Variants in MTRF1L observed in about 807,000 individuals in gnomAD.
The protein encoded by MTRF1L is mitochondrial translation release factor 1 like.
MTRF1L carries 29 observed loss-of-function variants against 40.0 expected under a neutral mutation model. The observed-to-expected ratio is 0.73, with a 90% CI of 0.54 to 0.99. The LOEUF (loss-of-function observed/expected upper bound fraction) is 0.99, where lower values mean the gene tolerates loss of function less well. Ranked by LOEUF, MTRF1L falls within the 50% of genes least tolerant of loss-of-function variation. MTRF1L has a pLI of 0.00. For synonymous variants in MTRF1L, 150 were observed against 175.8 expected (o/e 0.85, Z 1.16); for missense variants, 412 against 464.5 (o/e 0.89, Z 1.04).
rs774360731 is a variant in MTRF1L, at chr6:152,991,239, G to C, written c.888C>G (p.Tyr296Ter). 1.9e-6 allele frequency: 3 copies of C among 1,594,416 alleles called. No individual in the cohort carries two copies. The highest frequency in any genetic ancestry group is 2.6e-6 in the Non-Finnish European group (3 of 1,172,192). ...TTATTTCTTCTTCTAGATGCATGCT[G>C]TACAGTTTTGCACGTAACTTTGTCA... ...LAMTKLRAKL[Y>*]SMHLEEEINK... The change falls in exon 6 of 7, where the codon TAC (tyrosine) becomes TAG (stop). Residue 296 changes from tyrosine (Y) to a stop codon, truncating the protein, a stop_gained. Coordinates refer to ENST00000367233, the MANE Select transcript of MTRF1L (RefSeq NM_019041.7). LOFTEE classifies it high-confidence loss of function.
At chr6:152,990,178 T>C (rs1180827332) in intron 6 of MTRF1L, 83 bp from the exon 7 acceptor site, 1 of 1,524,864 alleles carries the variant, frequency 6.6e-7, no homozygotes, top group African/African-American at 1.4e-5. Flanking sequence ...AGACTTAAGT[T>C]CTTGATTTAT....
chr6:152,993,391 T>G (rs1190910796), intron 4 of MTRF1L, among the ~76,000 whole-genome samples: 1 of 148,858 alleles, frequency 6.7e-6, no homozygotes, highest in East Asian at 2.0e-4. Flanking sequence ...CTGTTTTGTT[T>G]TATTTCAAAC....
At chr6:153,000,432 T>C (rs1222844531) in intron 1 of MTRF1L, among the ~76,000 whole-genome samples, 2 of 152,202 alleles carry the variant, frequency 1.3e-5, no homozygotes, top group African/African-American at 2.4e-5. Flanking sequence ...GGCTACTATA[T>C]TGGACAGTGC....
At chr6:153,000,733 C>T (rs1333758855) in intron 1 of MTRF1L, among the ~76,000 whole-genome samples, 1 of 152,116 alleles carries the variant, frequency 6.6e-6, no homozygotes, top group Admixed American at 6.5e-5. Context: ...ACCTCTCAAG[C>T]TGTTACACTG....
At chr6:153,002,202 T>C (rs1255345560) in intron 1 of MTRF1L, among the ~76,000 whole-genome samples, 1 of 152,094 alleles carries the variant, frequency 6.6e-6, no homozygotes, top group African/African-American at 2.4e-5. Flanking sequence ...AGTCCACAAC[T>C]AATAAGCATG....
At chr6:153,002,386 A>C in intron 1 of MTRF1L, 41 bp downstream of exon 1, 2 of 1,613,848 alleles carry the variant, frequency 1.2e-6, no homozygotes, top group Non-Finnish European at 8.5e-7. Flanking sequence ...CGAAGAGTCA[A>C]GAATGTGCTC....
At chr6:152,991,682 G>T (rs1344239139) in intron 5 of MTRF1L, among the ~76,000 whole-genome samples, 4 of 152,138 alleles carry the variant, frequency 2.6e-5, no homozygotes, top group Admixed American at 1.3e-4. Flanking sequence ...GAGTAGCTGG[G>T]ATTACAGGTG....
chr6:152,998,192 C>A, intron 2 of MTRF1L: 1 of 148,012 alleles, frequency 6.8e-6, no homozygotes, highest in Non-Finnish European at 1.5e-5. Flanking sequence ...AGATATGCCA[C>A]TATTTCGCTG....
At chr6:152,999,870 A>G (rs1463820862) in intron 1 of MTRF1L, among the ~76,000 whole-genome samples, 2 of 152,228 alleles carry the variant, frequency 1.3e-5, no homozygotes, top group Non-Finnish European at 2.9e-5. Context: ...AGACTAATAC[A>G]CTATGTGATT....
At chr6:152,995,834 T>C (rs1778696814) in intron 2 of MTRF1L, among the ~76,000 whole-genome samples, 1 of 152,198 alleles carries the variant, frequency 6.6e-6, no homozygotes, top group Non-Finnish European at 1.5e-5. Context: ...AATTCTTTAA[T>C]TATACATGTA....
At chr6:152,993,786 A>C (rs530600786) in intron 4 of MTRF1L, among the ~76,000 whole-genome samples, 1 of 152,312 alleles carries the variant, frequency 6.6e-6, no homozygotes, top group South Asian at 2.1e-4. Flanking sequence ...CTCTCCCTTA[A>C]CTGCTTAGTT....
intron 4 of MTRF1L, among the ~76,000 whole-genome samples, chr6:152,993,266 A>G (rs1416215657): frequency 5.3e-5 from 8 of 152,124 alleles, no homozygotes; most frequent in Admixed American, 5.2e-4. Context: ...GCAGAACTTG[A>G]TACTATTCTG....
intron 1 of MTRF1L, among the ~76,000 whole-genome samples, chr6:152,999,392 C>T (rs1296763313): frequency 6.6e-6 from 1 of 152,134 alleles, no homozygotes; most frequent in Non-Finnish European, 1.5e-5. Context: ...TAAGAAACAA[C>T]CATGCTGGGA....
At chr6:153,002,709 T>TGACCGGAACCGGAAG (rs1425843505), upstream of MTRF1L, 13 of 1,464,650 alleles carry the variant, frequency 8.9e-6, no homozygotes, top group African/African-American at 1.1e-4. Flanking sequence ...TCGCGGACCC[T>TGACCGGAACCGGAAG]GACCGGAACC....
At chr6:152,992,697 G>A (rs766127) in intron 5 of MTRF1L, among the ~76,000 whole-genome samples, 160 bp downstream of exon 5, 105,034 of 152,042 alleles carry the variant, frequency 0.69, 36,376 homozygotes, top group Admixed American at 0.73. Context: ...GTTATCCCAC[G>A]GAGTATCAGG....
intron 5 of MTRF1L, among the ~76,000 whole-genome samples, chr6:152,992,577 T>C (rs1778564373): frequency 6.6e-6 from 1 of 152,170 alleles, no homozygotes; most frequent in Admixed American, 6.5e-5. Context: ...ATTTTCTTTT[T>C]AAGTGTAAAA....
intron 5 of MTRF1L, 169 bp from the exon 6 acceptor site, chr6:152,991,490 T>C (rs1778514906): frequency 1.4e-6 from 1 of 735,202 alleles, no homozygotes; most frequent in Non-Finnish European, 2.0e-6. Flanking sequence ...GCAGAGTTTA[T>C]CAGAAAACTG....
intron 6 of MTRF1L, 129 bp downstream of exon 6, chr6:152,991,056 C>T (rs760137023): frequency 2.2e-5 from 13 of 582,574 alleles, no homozygotes; most frequent in Non-Finnish European, 3.8e-5. Context: ...GAAGGATAGC[C>T]CTTAGACTAC....
At chr6:153,001,586 CTTAA>C (rs758390837) in intron 1 of MTRF1L, among the ~76,000 whole-genome samples, 8 of 152,222 alleles carry the variant, frequency 5.3e-5, no homozygotes, top group Non-Finnish European at 1.0e-4. Flanking sequence ...ATACTTTCAT[CTTAA>C]TTAACAGTAC....
Sources: gnomAD v4.1 joint callset for allele counts (sites outside exome capture counted in the v4.1 genomes callset) on GRCh38, gnomAD v4.1.1 for gene constraint, MANE v1.5 for transcripts, NCBI Gene and HGNC (gene_info 2026-07-23, HGNC 2026-07-21) for gene names.